Variants in PRKN observed in about 807,000 individuals in gnomAD.
PRKN encodes the protein parkin RBR E3 ubiquitin protein ligase.
PRKN carries 56 observed loss-of-function variants against 59.5 expected under a neutral mutation model. That is an observed-to-expected ratio of 0.94 (90% CI 0.76 to 1.18). The LOEUF is 1.18. Ranked by LOEUF, PRKN falls within the 50% of genes most tolerant of loss-of-function variation. The probability of loss-of-function intolerance (pLI) is 0.00; values close to 1 mark genes in which losing one functional copy is unlikely to be tolerated. For synonymous variants in PRKN, 250 were observed against 222.1 expected, an observed-to-expected ratio of 1.13 and a Z score of -1.12; for missense variants, 657 against 596.4, an observed-to-expected ratio of 1.10 and a Z score of -1.06.
In PRKN at chr6:161,548,965, G is replaced by A. The variant is rs761973930; in HGVS notation, c.972C>T (p.Val324=). Residue 324 remains valine (V), a synonymous_variant, in exon 9 of 12, where the codon GTC becomes GTT. Transcript: ENST00000366898. This position sits in a 1 kb window ranked among gnomAD's most constrained non-coding sequence, Gnocchi z 4.2. ...GGCATAACACGCCCCCCATCTGCAG[G>A]ACACACTCCTCTGCACCATACTGCT... The part of the protein sequence containing the change: ...RYQQYGAEEC[V]LQMGGVLCPR... The A allele has an allele frequency of 3.1e-6, 5 of 1,614,124 alleles. No individual in the cohort carries two copies. Among genetic ancestry groups the A allele is most frequent in the Non-Finnish European group, 3.4e-6 (4 of 1,180,006 alleles).
chr6:162,011,377 T>A, intron 5 of PRKN, among the ~76,000 whole-genome samples: 1 of 31,856 alleles, frequency 3.1e-5, no homozygotes, highest in East Asian at 1.1e-3. Context: ...TATAATATAT[T>A]ATATATTTAT....
chr6:162,489,987 T>A (rs1357496748), intron 1 of PRKN, among the ~76,000 whole-genome samples: 1 of 152,224 alleles, frequency 6.6e-6, no homozygotes. Context: ...TGAGGTCAGA[T>A]GCAAATCACT....
At chr6:161,768,927 C>T (rs1365664938) in intron 7 of PRKN, among the ~76,000 whole-genome samples, 4 of 152,128 alleles carry the variant, frequency 2.6e-5, no homozygotes, top group African/African-American at 7.2e-5. Flanking sequence ...TATTTATACT[C>T]CTACATATAC....
rs561466463 is a variant in PRKN at position 161,427,214 on chromosome 6, T to C, written c.1084-40337A>G. Among the ~76,000 whole-genome samples, 76 of 152,290 alleles carry C rather than the reference T, an allele frequency of 5.0e-4. 1 individual carries two copies. The highest frequency in any genetic ancestry group is 1.8e-3 in the African/African-American group (75 of 41,540). ...TTTGTATTTTTAGACGAGACAGGAT[T>C]TTGCCATGTTGCTCAGGCTGGTCTT... On this transcript the variant is annotated intron_variant, in intron 9 of 11. Transcript: ENST00000366898.
At chr6:162,555,981 CAA>C (rs772336975) in intron 1 of PRKN, among the ~76,000 whole-genome samples, 5 of 90,380 alleles carry the variant, frequency 5.5e-5, no homozygotes, top group Admixed American at 1.4e-4. Context: ...AACTCCATCT[CAA>C]AAAAAAAAAA....
intron 5 of PRKN, among the ~76,000 whole-genome samples, chr6:162,048,148 T>G (rs1777456704): frequency 6.6e-6 from 1 of 152,158 alleles, no homozygotes; most frequent in Non-Finnish European, 1.5e-5. Context: ...GAAAATGTTA[T>G]TTTACATAAC....
intron 1 of PRKN, among the ~76,000 whole-genome samples, chr6:162,630,802 G>GA (rs1783083157): frequency 6.6e-6 from 1 of 152,054 alleles, no homozygotes; most frequent in Non-Finnish European, 1.5e-5. Context: ...CTTGTATTTG[G>GA]AAGCAGGTTC....
chr6:162,451,316 C>A (rs142820084), intron 1 of PRKN, among the ~76,000 whole-genome samples: 170 of 130,382 alleles, frequency 1.3e-3, no homozygotes, highest in African/African-American at 4.8e-3. Context: ...AATTTTGAAA[C>A]TAGGAAACAA....
At chr6:162,452,886 T>G (rs988687421) in intron 1 of PRKN, among the ~76,000 whole-genome samples, 56 of 88,626 alleles carry the variant, frequency 6.3e-4, no homozygotes, top group Non-Finnish European at 1.4e-4. Flanking sequence ...TCAAAATAAA[T>G]GAATAAAAAA....
intron 4 of PRKN, among the ~76,000 whole-genome samples, chr6:162,070,014 T>C (rs1778507651): frequency 6.6e-6 from 1 of 152,192 alleles, no homozygotes; most frequent in East Asian, 1.9e-4. Context: ...TAAAACAGGT[T>C]TGTCTACAAA....
intron 5 of PRKN, among the ~76,000 whole-genome samples, chr6:162,033,264 C>A (rs1233643981): frequency 6.6e-6 from 1 of 152,198 alleles, no homozygotes; most frequent in Non-Finnish European, 1.5e-5. Context: ...GGAAGACATT[C>A]ATTGATACCT....
intron 1 of PRKN, among the ~76,000 whole-genome samples, chr6:162,445,689 TAAAAAAAAA>T (rs71004091): frequency 1.2e-3 from 35 of 28,718 alleles, no homozygotes; most frequent in African/African-American, 6.0e-3. Flanking sequence ...AGACCTTGTC[TAAAAAAAAA>T]AAAAAAAAAA....
At chr6:161,939,505 G>T (rs1307440058) in intron 6 of PRKN, among the ~76,000 whole-genome samples, 2 of 150,968 alleles carry the variant, frequency 1.3e-5, no homozygotes, top group Non-Finnish European at 2.9e-5. Flanking sequence ...GCCGAGGCAG[G>T]CAGCTCACTT....
intron 9 of PRKN, among the ~76,000 whole-genome samples, chr6:161,450,239 G>T (rs945525627): frequency 1.3e-5 from 2 of 152,164 alleles, no homozygotes; most frequent in Admixed American, 1.3e-4. Context: ...AAGACGCTGA[G>T]CCTTAGGGAC....
rs555844874 is a variant in PRKN at position 161,967,709 on chromosome 6, T to C, written c.734+5593A>G. On this transcript the variant is annotated intron_variant, in intron 6 of 11. Coordinates refer to ENST00000366898, the MANE Select transcript of PRKN (RefSeq NM_004562.3). The stretch of plus-strand genomic sequence containing the variant: ...GGTCTATTATTCCAGCTTGAGAGCA[T>C]GCCTGGGAAAAACCCAAGTCACAGC... Among the ~76,000 whole-genome samples, 3 of 152,326 alleles carry C rather than the reference T, an allele frequency of 2.0e-5. No individual in the cohort carries two copies. In the South Asian group the frequency reaches 6.2e-4, roughly 32 times the overall value.
At chr6:162,160,519 T>C (rs1353883155) in intron 4 of PRKN, among the ~76,000 whole-genome samples, 2 of 152,176 alleles carry the variant, frequency 1.3e-5, no homozygotes, top group East Asian at 3.9e-4. Context: ...TCAAAATATA[T>C]AAAAGCATAT....
chr6:162,685,693 A>G (rs1779943243), intron 1 of PRKN, among the ~76,000 whole-genome samples: 3 of 152,228 alleles, frequency 2.0e-5, no homozygotes, highest in African/African-American at 7.2e-5. Context: ...TCGTATGCTC[A>G]CCACTACCAA....
intron 7 of PRKN, among the ~76,000 whole-genome samples, chr6:161,604,341 G>A (rs742773): frequency 0.069 from 10,554 of 152,194 alleles, 968 homozygotes; most frequent in African/African-American, 0.21. Flanking sequence ...CAGCTAGAGC[G>A]GGTTTTCAAA....
At chr6:161,718,305 G>T (rs1295992036) in intron 7 of PRKN, among the ~76,000 whole-genome samples, 1 of 152,124 alleles carries the variant, frequency 6.6e-6, no homozygotes, top group Admixed American at 6.5e-5. Context: ...GGGTGCAACT[G>T]CAGGAAGACT....
Sources: allele counts gnomAD v4.1 joint callset (sites outside exome capture counted in the v4.1 genomes callset), GRCh38; gene constraint gnomAD v4.1.1; non-coding constraint Gnocchi (gnomAD v3.1); transcripts MANE v1.5; gene names NCBI Gene and HGNC (gene_info 2026-07-23, HGNC 2026-07-21).